Variants in SAMD7 observed in about 807,000 individuals in gnomAD.
SAMD7 encodes the protein sterile alpha motif domain-containing protein 7.
Under a neutral mutation model 36.7 loss-of-function variants are expected in SAMD7, and 34 were observed. The observed-to-expected ratio is 0.93, with a 90% CI of 0.71 to 1.23. The LOEUF (loss-of-function observed/expected upper bound fraction) is 1.23. Among genes scored for constraint, SAMD7 ranks in the 50% most tolerant of loss-of-function variants. SAMD7 has a pLI of 0.00. For synonymous variants in SAMD7, 188 were observed against 189.7 expected (o/e 0.99, Z 0.07); for missense variants, 570 against 546.6 (o/e 1.04, Z -0.43).
At chr3:169,921,359 G>A (rs1156345136) in intron 4 of SAMD7, 21 bp downstream of exon 4, 4 of 1,610,426 alleles carry the variant, frequency 2.5e-6, no homozygotes, top group African/African-American at 1.3e-5. Context: ...TAGAAGTTTG[G>A]CTCTCATCTG....
chr3:169,926,321 T>C lies in SAMD7; in HGVS notation c.291-232T>C. The C allele has an allele frequency of 2.2e-6, 3 of 1,391,516 alleles. No individual in the cohort carries two copies. The South Asian group carries it at 4.1e-5, about 19-fold the overall frequency. The allele number at this position is 1,391,516 out of a possible 1,614,324, so 86.2% of individuals were successfully genotyped here. A position where few individuals can be genotyped will look rare whatever the true frequency, so the allele number is the denominator to read the frequency against. Reference sequence around the variant, plus strand: ...CCCTGCTAAATTTGCCTCGTCTGTTTAAAGGTAACACTCTAAAGACTGGCC... The same window carrying C: ...CCCTGCTAAATTTGCCTCGTCTGTTCAAAGGTAACACTCTAAAGACTGGCC... On this transcript the variant is annotated intron_variant, in intron 5 of 8. Coordinates refer to ENST00000335556, the MANE Select transcript of SAMD7 (RefSeq NM_001304366.2).
At chr3:169,933,338 T>G (rs557215707) in intron 7 of SAMD7, 3 of 337,582 alleles carry the variant, frequency 8.9e-6, no homozygotes, top group Non-Finnish European at 1.7e-5. Flanking sequence ...AGCAGCAAGT[T>G]CTGGTGACAG....
intron 7 of SAMD7, chr3:169,933,319 G>A (rs999129190): frequency 5.6e-6 from 2 of 359,350 alleles, no homozygotes; most frequent in Non-Finnish European, 1.0e-5. Context: ...AAATGGATTG[G>A]AAATGGCCAG....
At position 169,931,268 on chromosome 3, in the gene SAMD7, A is replaced by C. The variant is rs1179716844; in HGVS notation, c.1041+2690A>C. Among the ~76,000 whole-genome samples the C allele has an allele frequency of 2.0e-5, 3 of 152,242 alleles. No homozygotes were observed. In the East Asian group the frequency reaches 5.8e-4, roughly 29 times the overall value. On this transcript the variant is annotated intron_variant, in intron 7 of 8. Transcript: ENST00000335556. ...TATGTGCACATTTATATCATTACAC[A>C]TGGCCCAAACTGCTCTGGTGAGAAA...
chr3:169,921,483 G>A, intron 4 of SAMD7, 145 bp downstream of exon 4: 5 of 739,940 alleles, frequency 6.8e-6, no homozygotes, highest in Non-Finnish European at 1.1e-5. Context: ...CACCACCTAG[G>A]TTCAGATCAT....
intron 2 of SAMD7, 88 bp from the exon 3 acceptor site, chr3:169,919,370 C>A (rs1712945482): frequency 1.4e-6 from 1 of 720,148 alleles, no homozygotes; most frequent in South Asian, 1.7e-5. Context: ...TGTGAAAATA[C>A]AAAAGGCTTT....
chr3:169,918,885 G>A lies in SAMD7; in HGVS notation c.-41-573G>A, dbSNP rs577127331. Reference sequence around the variant, plus strand: ...GTTGGGGCCAGGCACGGTGGCTCACGCCTGTAATCCCAGCACTTTGGGAGG... The same window carrying A: ...GTTGGGGCCAGGCACGGTGGCTCACACCTGTAATCCCAGCACTTTGGGAGG... On this transcript the variant is annotated intron_variant, in intron 2 of 8. Transcript: ENST00000335556. Among the ~76,000 whole-genome samples the A allele has an allele frequency of 2.0e-5, 3 of 152,298 alleles. No individual in the cohort carries two copies. The East Asian group carries it at 5.8e-4, about 29-fold the overall frequency.
chr3:169,915,084 A>G (rs1013445410), intron 1 of SAMD7, among the ~76,000 whole-genome samples: 1 of 152,196 alleles, frequency 6.6e-6, no homozygotes, highest in African/African-American at 2.4e-5. Flanking sequence ...TAGCTCAAGC[A>G]TAATCCATAT....
chr3:169,927,373 C>T (rs935603505), intron 6 of SAMD7, among the ~76,000 whole-genome samples, 192 bp downstream of exon 6: 3 of 144,568 alleles, frequency 2.1e-5, no homozygotes, highest in African/African-American at 7.7e-5. Context: ...CGGCTCACTG[C>T]AACCTCCGCC....
chr3:169,927,420 G>A (rs1331349770), intron 6 of SAMD7, among the ~76,000 whole-genome samples: 1 of 144,018 alleles, frequency 6.9e-6, no homozygotes, highest in Non-Finnish European at 1.5e-5. Flanking sequence ...TCAGCCTCCC[G>A]AGTAGCTGGG....
At chr3:169,931,702 G>T (rs995263853) in intron 7 of SAMD7, among the ~76,000 whole-genome samples, 1 of 152,190 alleles carries the variant, frequency 6.6e-6, no homozygotes, top group South Asian at 2.1e-4. Flanking sequence ...TTTGTTGGGG[G>T]ACGGCTGGCT....
chr3:169,934,068 G>T (rs956816080), intron 7 of SAMD7, among the ~76,000 whole-genome samples: 1 of 152,210 alleles, frequency 6.6e-6, no homozygotes, highest in Admixed American at 6.5e-5. Flanking sequence ...CAAGGTGGGA[G>T]AGGTGGGGAG....
chr3:169,921,421 C>T, intron 4 of SAMD7, 83 bp downstream of exon 4: 1 of 1,436,174 alleles, frequency 7.0e-7, no homozygotes, highest in East Asian at 2.3e-5. Context: ...CAAATTACTC[C>T]TAAATTTTGG....
chr3:169,924,596 G>A (rs1713178643), intron 4 of SAMD7, among the ~76,000 whole-genome samples: 1 of 152,034 alleles, frequency 6.6e-6, no homozygotes, highest in African/African-American at 2.4e-5. Flanking sequence ...CAAAAAAAAG[G>A]ATAGATTATA....
chr3:169,934,843 A>G (rs1239753539), intron 7 of SAMD7, among the ~76,000 whole-genome samples: 1 of 152,212 alleles, frequency 6.6e-6, no homozygotes, highest in Non-Finnish European at 1.5e-5. Flanking sequence ...CCTAACCTAT[A>G]AAAATGGACA....
intron 8 of SAMD7, among the ~76,000 whole-genome samples, chr3:169,937,520 G>T (rs1429053918): frequency 6.6e-6 from 1 of 152,036 alleles, no homozygotes; most frequent in South Asian, 2.1e-4. Flanking sequence ...TTGGTTTTCT[G>T]TTCCTGCATT....
intron 7 of SAMD7, among the ~76,000 whole-genome samples, chr3:169,935,524 G>GT (rs1553758895): frequency 2.6e-5 from 4 of 151,222 alleles, no homozygotes; most frequent in African/African-American, 7.3e-5. Flanking sequence ...GTTTTGTTTT[G>GT]TTTTTTTAGT....
In SAMD7 at chr3:169,938,662, C is replaced by T. The variant is rs1173329078; in HGVS notation, c.*156C>T. On this transcript the variant is annotated 3_prime_UTR_variant, in exon 9 of 9. Transcript: ENST00000335556. The stretch of plus-strand genomic sequence containing the variant: ...TGGAGGAGACTTGCCCAAGGGGCTT[C>T]CCTGCCAGGGCTGAATGACCCCAGC... The T allele has an allele frequency of 1.8e-6, 1 of 556,324 alleles. No individual in the cohort carries two copies. Among genetic ancestry groups the T allele is most frequent in the African/African-American group, 1.9e-5 (1 of 52,186 alleles). 34.5% of individuals were successfully genotyped at this position (556,324 alleles called of 1,614,324 possible).
chr3:169,920,474 C>T (rs751255997), intron 3 of SAMD7, among the ~76,000 whole-genome samples: 9 of 152,194 alleles, frequency 5.9e-5, no homozygotes, highest in Non-Finnish European at 1.2e-4. Flanking sequence ...GAAATTACCT[C>T]CTTAAAGGCC....
Sources: gnomAD v4.1 joint callset for allele counts (sites outside exome capture counted in the v4.1 genomes callset) on GRCh38, gnomAD v4.1.1 for gene constraint, MANE v1.5 for transcripts, NCBI Gene and HGNC (gene_info 2026-07-23, HGNC 2026-07-21) for gene names.